NRXN3: variants seen among roughly 807,000 people sequenced by gnomAD.
The protein encoded by NRXN3 is neurexin 3.
A neutral mutation model predicts 137.6 loss-of-function variants in NRXN3; 32 were observed. The observed-to-expected ratio is 0.23, with a 90% CI of 0.18 to 0.31. The LOEUF is 0.31. Ranked by LOEUF, NRXN3 falls within the 10% of genes least tolerant of loss-of-function variation. The probability of loss-of-function intolerance (pLI) is 1.00; values close to 1 mark genes in which losing one functional copy is unlikely to be tolerated. For missense variants in NRXN3, 1,574 were observed against 2,062.5 expected (o/e 0.76, Z 4.59); for synonymous variants, 798 against 784.5 (o/e 1.02, Z -0.29).
At chr14:79,456,891 A>G (rs567071565) in intron 15 of NRXN3, among the ~76,000 whole-genome samples, 1 of 152,220 alleles carries the variant, frequency 6.6e-6, no homozygotes, top group South Asian at 2.1e-4. Context: ...GGCCAGATCT[A>G]AATTCAACAG....
intron 4 of NRXN3, among the ~76,000 whole-genome samples, chr14:78,298,215 C>T (rs1382359319): frequency 6.6e-6 from 1 of 152,240 alleles, no homozygotes; most frequent in Non-Finnish European, 1.5e-5. Context: ...TTAACTTCCT[C>T]CTGCTCCTCC....
chr14:79,003,157 TA>T (rs1306328001), intron 15 of NRXN3, among the ~76,000 whole-genome samples: 3 of 152,108 alleles, frequency 2.0e-5, no homozygotes, highest in Admixed American at 1.3e-4. Flanking sequence ...CCTGAATTTT[TA>T]AGGCAGCCTC....
chr14:79,718,778 T>C (rs2098832301), intron 19 of NRXN3, among the ~76,000 whole-genome samples: 1 of 152,170 alleles, frequency 6.6e-6, no homozygotes, highest in African/African-American at 2.4e-5. Context: ...ATTTTTTGGC[T>C]TCAGCAAATT....
chr14:79,695,356 G>A (rs1382517103), intron 18 of NRXN3, among the ~76,000 whole-genome samples: 1 of 151,942 alleles, frequency 6.6e-6, no homozygotes, highest in Non-Finnish European at 1.5e-5. Context: ...CTGTAATCAA[G>A]TATAACTGTT....
At chr14:78,432,114 G>A (rs966515902) in intron 4 of NRXN3, among the ~76,000 whole-genome samples, 1 of 152,082 alleles carries the variant, frequency 6.6e-6, no homozygotes, top group Admixed American at 6.6e-5. Flanking sequence ...GCTTGAAGAT[G>A]GAATAATTTG....
At position 79,864,241 on chromosome 14, in the gene NRXN3, T is replaced by G. The variant is rs1235163955; in HGVS notation, c.*2277T>G. ...AGTGTAAGTTTCTATTTGGACAATTTTATGGGAACATGTGCATTCTCTATG... is the reference window on the plus strand; with the variant it reads ...AGTGTAAGTTTCTATTTGGACAATTGTATGGGAACATGTGCATTCTCTATG... On this transcript the variant is annotated 3_prime_UTR_variant, in exon 21 of 21. Coordinates refer to ENST00000335750, the MANE Select transcript of NRXN3 (RefSeq NM_001330195.2). 1 of 152,646 alleles carries G rather than the reference T, an allele frequency of 6.6e-6. No individual in the cohort carries two copies. The highest frequency in any genetic ancestry group is 1.5e-5 in the Non-Finnish European group (1 of 68,028). The allele number at this position is 152,646 out of a possible 1,614,324, so 9.5% of individuals were successfully genotyped here. A position where few individuals can be genotyped will look rare whatever the true frequency, so the allele number is the denominator to read the frequency against.
intron 19 of NRXN3, among the ~76,000 whole-genome samples, chr14:79,758,537 C>T (rs569391732): frequency 2.9e-4 from 44 of 152,286 alleles, no homozygotes; most frequent in African/African-American, 1.0e-3. Flanking sequence ...TGACCAAACA[C>T]CTCCTACTAG....
Position 78,250,057 on chromosome 14 carries a change from A to G in NRXN3, c.709+6255A>G, listed in dbSNP as rs1170511929. 2 of 514,450 alleles carry G rather than the reference A, an allele frequency of 3.9e-6. 1 individual carries two copies. Among genetic ancestry groups the G allele is most frequent in the Middle Eastern group, 6.3e-4 (2 of 3,164 alleles). 31.9% of individuals were successfully genotyped at this position (514,450 alleles called of 1,614,324 possible). ...TGCACTAGCTCTTGAAACCCTCGCAACCACTCTTGACATGCGATTATGATT... is the reference window on the plus strand; with the variant it reads ...TGCACTAGCTCTTGAAACCCTCGCAGCCACTCTTGACATGCGATTATGATT... On this transcript the variant is annotated intron_variant, in intron 2 of 20. Coordinates refer to ENST00000335750, the MANE Select transcript of NRXN3 (RefSeq NM_001330195.2).
chr14:78,782,099 C>T (rs945921486), intron 8 of NRXN3, among the ~76,000 whole-genome samples: 33 of 152,202 alleles, frequency 2.2e-4, no homozygotes, highest in African/African-American at 7.2e-4. Context: ...GGGGGTCTGC[C>T]AAGCTCCAGC....
At chr14:79,624,165 G>A (rs1405284667) in intron 16 of NRXN3, among the ~76,000 whole-genome samples, 1 of 152,162 alleles carries the variant, frequency 6.6e-6, no homozygotes, top group Non-Finnish European at 1.5e-5. Context: ...CTAAGCCACT[G>A]ATCGAGATTA....
At chr14:79,323,006 T>A (rs867249344) in intron 15 of NRXN3, among the ~76,000 whole-genome samples, 1 of 152,132 alleles carries the variant, frequency 6.6e-6, no homozygotes. Context: ...GGCTATAACA[T>A]CTGTTGCAAT....
intron 6 of NRXN3, among the ~76,000 whole-genome samples, chr14:78,701,021 C>T (rs186754911): frequency 1.5e-4 from 23 of 152,284 alleles, no homozygotes; most frequent in Admixed American, 1.1e-3. Flanking sequence ...CCACCTGCCT[C>T]GGCCTCCCAA....
At chr14:79,753,912 C>CA (rs1217885734) in intron 19 of NRXN3, among the ~76,000 whole-genome samples, 1 of 151,834 alleles carries the variant, frequency 6.6e-6, no homozygotes, top group Non-Finnish European at 1.5e-5. Context: ...ATAACAACAA[C>CA]AAAAATACAA....
intron 15 of NRXN3, among the ~76,000 whole-genome samples, chr14:79,142,943 T>A (rs2058948840): frequency 1.3e-5 from 2 of 152,200 alleles, no homozygotes. Context: ...TAGCCATAAC[T>A]AAGGGAAATA....
intron 10 of NRXN3, among the ~76,000 whole-genome samples, chr14:78,949,901 A>G (rs1258190814): frequency 1.3e-5 from 2 of 152,196 alleles, no homozygotes. Context: ...ACAAGAATAC[A>G]GACTTAAATT....
chr14:78,332,807 T>C (rs576767557), intron 4 of NRXN3, among the ~76,000 whole-genome samples: 1 of 142,104 alleles, frequency 7.0e-6, no homozygotes, highest in Non-Finnish European at 1.6e-5. Flanking sequence ...GGCTTACTGG[T>C]ATGGGAGACA....
intron 14 of NRXN3, among the ~76,000 whole-genome samples, chr14:78,984,992 G>A (rs1220323579): frequency 6.6e-6 from 1 of 152,222 alleles, no homozygotes; most frequent in Non-Finnish European, 1.5e-5. Context: ...TTACAATGTA[G>A]TCAGTCTTCC....
At chr14:79,802,395 G>GT (rs2099185362) in intron 19 of NRXN3, among the ~76,000 whole-genome samples, 1 of 152,126 alleles carries the variant, frequency 6.6e-6, no homozygotes, top group African/African-American at 2.4e-5. Flanking sequence ...ATCCTAAGGA[G>GT]TTTTTTCAGA....
intron 4 of NRXN3, among the ~76,000 whole-genome samples, chr14:78,510,379 G>T (rs1223742207): frequency 6.6e-6 from 1 of 152,008 alleles, no homozygotes; most frequent in Non-Finnish European, 1.5e-5. Context: ...GGAACTCTAT[G>T]CTTAGCTCTA....
Sources: gnomAD v4.1 joint callset for allele counts (sites outside exome capture counted in the v4.1 genomes callset) on GRCh38, gnomAD v4.1.1 for gene constraint, MANE v1.5 for transcripts, NCBI Gene and HGNC (gene_info 2026-07-23, HGNC 2026-07-21) for gene names.